The following IGSF10 variants were observed in gnomAD, a reference collection of about 807,000 sequenced individuals.
The protein encoded by IGSF10 is calvaria mechanical force protein 608.
A neutral mutation model predicts 128.2 loss-of-function variants in IGSF10; 126 were observed. The observed-to-expected ratio is 0.98, with a 90% CI of 0.85 to 1.14. The LOEUF is 1.14. IGSF10 is among the 50% of genes most tolerant of loss of function. The pLI is 0.00. For missense variants in IGSF10, 3,295 were observed against 3,149.8 expected (o/e 1.05, Z -1.10); for synonymous variants, 1,185 against 1,146.2 (o/e 1.03, Z -0.68).
rs1204038394 is a variant in IGSF10 at position 151,447,789 on chromosome 3, T to A, written c.2192A>T (p.Asp731Val). 1 of 1,614,160 alleles carries A rather than the reference T, an allele frequency of 6.2e-7. No individual in the cohort carries two copies. The highest frequency in any genetic ancestry group is 2.2e-5 in the East Asian group (1 of 44,876). Reference protein sequence around the residue: ...YRELTLQRRGDSTHRRFRENR... With the variant: ...YRELTLQRRGVSTHRRFRENR... ...CTCCCTAAAACGTCGATGTGTTGAA[T>A]CTCCACGTCGCTGGAGTGTTAATTC... is the stretch of plus-strand genomic sequence containing the variant. The change falls in exon 6 of 8, where the codon GAT (aspartate) becomes GTT (valine). Residue 731 changes from aspartate to valine, a missense_variant. Coordinates refer to ENST00000282466, the MANE Select transcript of IGSF10 (RefSeq NM_178822.5).
At chr3:151,548,998 T>G in the IGSF10 span, among the ~76,000 whole-genome samples, 1 of 152,184 alleles carries the variant, frequency 6.6e-6, no homozygotes, top group African/African-American at 2.4e-5. Flanking sequence ...ACTAGGATGT[T>G]AGTAATCATT....
the IGSF10 span, among the ~76,000 whole-genome samples, chr3:151,585,057 G>A: frequency 7.9e-5 from 12 of 152,184 alleles, no homozygotes; most frequent in Non-Finnish European, 5.9e-5. Flanking sequence ...CTACTTCCTT[G>A]GCTTATTAGA....
the IGSF10 span, among the ~76,000 whole-genome samples, chr3:151,470,658 G>A: frequency 3.9e-5 from 6 of 152,254 alleles, no homozygotes; most frequent in South Asian, 1.2e-3. Context: ...AGGAGTCCTT[G>A]CTCAAGAACA....
chr3:151,527,224 T>G, the IGSF10 span, among the ~76,000 whole-genome samples: 1 of 152,218 alleles, frequency 6.6e-6, no homozygotes, highest in South Asian at 2.1e-4. Flanking sequence ...AGGAAGATTT[T>G]TGGCTCACCT....
chr3:151,478,648 AAGAG>A, the IGSF10 span, among the ~76,000 whole-genome samples: 4 of 152,232 alleles, frequency 2.6e-5, no homozygotes, highest in African/African-American at 9.6e-5. Flanking sequence ...GTATTTAGAA[AAGAG>A]AGAATTTACT....
the IGSF10 span, among the ~76,000 whole-genome samples, chr3:151,547,654 A>G: frequency 2.0e-5 from 3 of 152,058 alleles, no homozygotes; most frequent in African/African-American, 7.2e-5. Flanking sequence ...GGTTGTATGG[A>G]GTACTCTGGT....
chr3:151,511,806 T>C, the IGSF10 span, among the ~76,000 whole-genome samples: 1 of 151,992 alleles, frequency 6.6e-6, no homozygotes, highest in African/African-American at 2.4e-5. Context: ...AAAGGAGAAG[T>C]TGTAATCCTA....
At chr3:151,593,803 CAAAATT>C in the IGSF10 span, among the ~76,000 whole-genome samples, 1 of 151,678 alleles carries the variant, frequency 6.6e-6, no homozygotes, top group Admixed American at 6.6e-5. Context: ...AAAGGCAACT[CAAAATT>C]AAGAGCTGTG....
At chr3:151,457,837 A>AT (rs1278640226) in intron 3 of IGSF10, among the ~76,000 whole-genome samples, 1 of 152,194 alleles carries the variant, frequency 6.6e-6, no homozygotes, top group Admixed American at 6.5e-5. Flanking sequence ...ATTAGTTTTT[A>AT]TTAATTGTAC....
Position 151,437,639 on chromosome 3 carries a change from A to G in IGSF10, c.6922T>C (p.Ser2308Pro), listed in dbSNP as rs1369204210. The G allele has an allele frequency of 1.9e-6, 3 of 1,614,092 alleles. No individual in the cohort carries two copies. Among genetic ancestry groups the G allele is most frequent in the Non-Finnish European group, 2.5e-6 (3 of 1,180,050 alleles). ...LEIRNVRLSD[S>P]ADFICVARNE... is the part of the protein sequence containing the mutation. ...CGGGCCACACAGATAAAGTCGGCTG[A>G]ATCTGAAAGCCTCACATTCCTAATT... The change falls in exon 8 of 8, where the codon TCA becomes CCA. Residue 2308 changes from serine to proline, a missense_variant. By Grantham distance (74) the Ser-to-Pro change is moderately conservative. Coordinates refer to ENST00000282466, the MANE Select transcript of IGSF10 (RefSeq NM_178822.5).
the IGSF10 span, among the ~76,000 whole-genome samples, chr3:151,530,568 C>G: frequency 3.3e-5 from 5 of 152,262 alleles, no homozygotes; most frequent in East Asian, 9.6e-4. Flanking sequence ...ATTCAACGTT[C>G]TTAAAGAAGA....
chr3:151,463,532 T>TTTG (rs1560185472), upstream of IGSF10, among the ~76,000 whole-genome samples: 58 of 65,250 alleles, frequency 8.9e-4, 1 homozygote, highest in African/African-American at 2.4e-3. Flanking sequence ...GGTTTTTTTT[T>TTTG]TTTTTTTTTT....
Position 151,443,639 on chromosome 3 carries a change from C to T in IGSF10, c.5308G>A (p.Glu1770Lys), listed in dbSNP as rs1359390872. Residue 1770 changes from glutamate (E) to lysine (K), a missense_variant, in exon 7 of 8, where the codon GAA (glutamate) becomes AAA (lysine). Glu to Lys is a moderately conservative substitution (Grantham distance 56). Coordinates refer to ENST00000282466, the MANE Select transcript of IGSF10 (RefSeq NM_178822.5). ...GTAACTGTAGGGCTTGGCCTACCTT[C>T]TGCTCTGCACTTCAGTTCCACAGTG... Reference protein sequence around the residue: ...GSTVELKCRAEGRPSPTVTWI... With the variant: ...GSTVELKCRAKGRPSPTVTWI... 1 of 1,614,104 alleles carries T rather than the reference C, an allele frequency of 6.2e-7. No homozygotes were observed. Among genetic ancestry groups the T allele is most frequent in the African/African-American group, 1.3e-5 (1 of 74,936 alleles).
the IGSF10 span, among the ~76,000 whole-genome samples, chr3:151,572,033 C>G: frequency 1.9e-3 from 283 of 152,148 alleles, 1 homozygote; most frequent in African/African-American, 6.7e-3. Flanking sequence ...TATTGGTTTG[C>G]GTATGTTGCA....
chr3:151,511,254 A>G, the IGSF10 span, among the ~76,000 whole-genome samples: 2,924 of 152,340 alleles, frequency 0.019, 69 homozygotes, highest in East Asian at 0.062. Flanking sequence ...CATCAGATCA[A>G]GTGCTGATCT....
the IGSF10 span, among the ~76,000 whole-genome samples, chr3:151,474,539 G>A: frequency 1.8e-4 from 27 of 152,218 alleles, no homozygotes; most frequent in African/African-American, 5.3e-4. Flanking sequence ...ACTTTCCAGC[G>A]AACTATGGTC....
At chr3:151,507,750 C>A in the IGSF10 span, among the ~76,000 whole-genome samples, 3 of 152,174 alleles carry the variant, frequency 2.0e-5, no homozygotes, top group Admixed American at 6.5e-5. Flanking sequence ...AAAAGTCCCT[C>A]TGCCCACATG....
At chr3:151,574,056 C>T in the IGSF10 span, among the ~76,000 whole-genome samples, 2 of 152,326 alleles carry the variant, frequency 1.3e-5, no homozygotes, top group Non-Finnish European at 2.9e-5. Context: ...CCACTCTCTT[C>T]TGGCGTGTAG....
chr3:151,552,659 T>C, the IGSF10 span, among the ~76,000 whole-genome samples: 5 of 152,156 alleles, frequency 3.3e-5, no homozygotes, highest in African/African-American at 4.8e-5. Flanking sequence ...TAGCATAACA[T>C]TGTTAGTCAC....
Sources: gnomAD v4.1 joint callset for allele counts (sites outside exome capture counted in the v4.1 genomes callset) on GRCh38, gnomAD v4.1.1 for gene constraint, MANE v1.5 for transcripts, NCBI Gene and HGNC (gene_info 2026-07-23, HGNC 2026-07-21) for gene names.